Variants in PTPRD observed in about 807,000 individuals in gnomAD.
The protein encoded by PTPRD is receptor-type tyrosine-protein phosphatase delta.
In PTPRD, 34 loss-of-function variants were observed where a neutral mutation model predicts 214.5. That is an observed-to-expected ratio of 0.16 (90% CI 0.12 to 0.21). The LOEUF is 0.21. PTPRD is among the 10% of genes least tolerant of loss of function. The pLI is 1.00. For missense variants in PTPRD, 2,545 were observed against 2,398.7 expected, an observed-to-expected ratio of 1.06 and a Z score of -1.27; for synonymous variants, 1,128 against 845.7, an observed-to-expected ratio of 1.33 and a Z score of -5.79.
intron 5 of PTPRD, among the ~76,000 whole-genome samples, chr9:9,865,074 T>C (rs1214321859): frequency 6.6e-6 from 1 of 152,192 alleles, no homozygotes; most frequent in Non-Finnish European, 1.5e-5. Context: ...TAATTTTTCC[T>C]CTACAAATTG....
intron 9 of PTPRD, among the ~76,000 whole-genome samples, chr9:9,309,924 A>T (rs1277489832): frequency 6.6e-6 from 1 of 152,070 alleles, no homozygotes; most frequent in Non-Finnish European, 1.5e-5. Flanking sequence ...TGGATCATGG[A>T]TTTCCTCCTT....
At chr9:9,233,740 G>A (rs559464299) in intron 9 of PTPRD, among the ~76,000 whole-genome samples, 10 of 152,296 alleles carry the variant, frequency 6.6e-5, no homozygotes, top group Admixed American at 1.3e-4. Context: ...AATCCAATAG[G>A]GAAGTCATTA....
At chr9:10,037,878 C>A (rs376174899) in intron 3 of PTPRD, among the ~76,000 whole-genome samples, 2 of 152,210 alleles carry the variant, frequency 1.3e-5, no homozygotes, top group East Asian at 3.9e-4. Context: ...ATAGGCTTTG[C>A]ATCCTACATA....
At chr9:8,612,762 T>C (rs116172430) in intron 14 of PTPRD, among the ~76,000 whole-genome samples, 1 of 152,306 alleles carries the variant, frequency 6.6e-6, no homozygotes, top group East Asian at 1.9e-4. Flanking sequence ...CACATACAAG[T>C]GGTACCTGCC....
intron 6 of PTPRD, among the ~76,000 whole-genome samples, chr9:9,765,777 C>CA (rs2098701800): frequency 6.6e-6 from 1 of 152,166 alleles, no homozygotes; most frequent in African/African-American, 2.4e-5. Flanking sequence ...TCTCCTGCCA[C>CA]TGCCTCCTGA....
chr9:9,502,001 G>C (rs551724588), intron 8 of PTPRD, among the ~76,000 whole-genome samples: 5 of 151,778 alleles, frequency 3.3e-5, no homozygotes, highest in African/African-American at 9.7e-5. Context: ...CATACACATA[G>C]TCTACAACTT....
chr9:10,083,110 G>T (rs2098270656), intron 3 of PTPRD, among the ~76,000 whole-genome samples: 1 of 151,484 alleles, frequency 6.6e-6, no homozygotes, highest in African/African-American at 2.4e-5. Context: ...TATTTATGAT[G>T]ATATTCTATA....
chr9:9,749,987 C>T (rs548018376), intron 6 of PTPRD, among the ~76,000 whole-genome samples: 27 of 152,266 alleles, frequency 1.8e-4, no homozygotes, highest in South Asian at 2.1e-4. Flanking sequence ...ACTACTTGCA[C>T]AGCCTTCATA....
At chr9:9,957,931 A>C (rs2000300) in intron 4 of PTPRD, among the ~76,000 whole-genome samples, 37,588 of 151,858 alleles carry the variant, frequency 0.25, 5,620 homozygotes, top group East Asian at 0.53. Context: ...ACATCAATAC[A>C]GTCAACTGAT....
rs34488235 is a variant in PTPRD, at chr9:8,760,598, CTGTG to C, written c.-103-26656_-103-26653del. ...TCTCTCCCTTGCTCCCTCTCTCTGT[CTGTG>C]TGTGTGTGTGTGTGTGTGTGTGTGT... On this transcript the variant is annotated intron_variant, in intron 11 of 45. Transcript: ENST00000381196. Among the ~76,000 whole-genome samples the C allele has an allele frequency of 4.7e-3, 677 of 145,012 alleles. 7 individuals carry two copies. The highest frequency in any genetic ancestry group is 0.018 in the Middle Eastern group (5 of 284).
chr9:9,076,579 A>G (rs139691895), intron 10 of PTPRD, among the ~76,000 whole-genome samples: 48 of 152,050 alleles, frequency 3.2e-4, no homozygotes, highest in South Asian at 4.1e-4. Context: ...GCATTATTTC[A>G]CATAATATAA....
At chr9:10,255,472 C>A (rs1430726910) in intron 3 of PTPRD, among the ~76,000 whole-genome samples, 1 of 152,110 alleles carries the variant, frequency 6.6e-6, no homozygotes. Flanking sequence ...AAAAGTGATA[C>A]ACCTGCATAA....
chr9:9,931,445 T>C (rs954683712), intron 5 of PTPRD, among the ~76,000 whole-genome samples: 4 of 152,158 alleles, frequency 2.6e-5, no homozygotes, highest in East Asian at 1.9e-4. Flanking sequence ...TTCCCTTTCC[T>C]AGTCAAAGAA....
intron 8 of PTPRD, among the ~76,000 whole-genome samples, chr9:9,473,293 T>A (rs574353177): frequency 7.2e-5 from 11 of 152,198 alleles, no homozygotes; most frequent in Non-Finnish European, 1.6e-4. Flanking sequence ...GCATGTTGTA[T>A]TGAGTGACAG....
chr9:9,114,432 C>T (rs961074602), intron 10 of PTPRD, among the ~76,000 whole-genome samples: 7 of 152,146 alleles, frequency 4.6e-5, no homozygotes, highest in African/African-American at 1.7e-4. Context: ...TGTAAAACCT[C>T]AGTGGGATCA....
Position 9,450,869 on chromosome 9 carries a change from G to A in PTPRD, c.-236-53387C>T, listed in dbSNP as rs540476493. Among the ~76,000 whole-genome samples, 20 of 150,426 alleles carry A rather than the reference G, an allele frequency of 1.3e-4. No individual in the cohort carries two copies. The East Asian group carries it at 3.9e-3, about 30-fold the overall frequency. Reference sequence around the variant, plus strand: ...AAATCAAAATAAATCTTTCCAAATTGAATGTCTAAAATCCAAGAAAAAATG... The same window carrying A: ...AAATCAAAATAAATCTTTCCAAATTAAATGTCTAAAATCCAAGAAAAAATG... On this transcript the variant is annotated intron_variant, in intron 8 of 45. Transcript: ENST00000381196.
chr9:8,524,156 T>C (rs1360129755), intron 18 of PTPRD, among the ~76,000 whole-genome samples: 8 of 152,176 alleles, frequency 5.3e-5, no homozygotes, highest in East Asian at 1.9e-4. Context: ...TGGAAAGGCA[T>C]AGCCATTCAT....
chr9:9,068,964 T>C (rs1281780950), intron 10 of PTPRD, among the ~76,000 whole-genome samples: 1 of 152,176 alleles, frequency 6.6e-6, no homozygotes, highest in East Asian at 1.9e-4. Context: ...AATTTCCGGG[T>C]AATAGGCAAA....
At chr9:8,770,098 T>C (rs549421636) in intron 11 of PTPRD, among the ~76,000 whole-genome samples, 171 of 152,070 alleles carry the variant, frequency 1.1e-3, no homozygotes, top group African/African-American at 3.8e-3. Flanking sequence ...CTGACCAACA[T>C]AGTGAACCCT....
Sources: gnomAD v4.1 joint callset for allele counts (sites outside exome capture counted in the v4.1 genomes callset) on GRCh38, gnomAD v4.1.1 for gene constraint, MANE v1.5 for transcripts, NCBI Gene and HGNC (gene_info 2026-07-23, HGNC 2026-07-21) for gene names.